The following TENM3 variants were observed in gnomAD, a reference collection of about 807,000 sequenced individuals.
The protein encoded by TENM3 is teneurin-3.
In TENM3, 63 loss-of-function variants were observed where a neutral mutation model predicts 255.1. The ratio of observed to expected loss-of-function variants is 0.25; its 90% confidence interval spans 0.20 to 0.30. The LOEUF is 0.30. Among genes scored for constraint, TENM3 ranks in the 10% least tolerant of loss-of-function variants. The pLI, the probability that TENM3 is intolerant of heterozygous loss-of-function variation, is 1.00. For synonymous variants in TENM3, 1,306 were observed against 1,322.3 expected, an observed-to-expected ratio of 0.99 and a Z score of 0.27; for missense variants, 2,929 against 3,461.1, an observed-to-expected ratio of 0.85 and a Z score of 3.86.
intron 1 of TENM3, among the ~76,000 whole-genome samples, chr4:182,248,716 C>A (rs1442978543): frequency 6.6e-6 from 1 of 152,204 alleles, no homozygotes; most frequent in Non-Finnish European, 1.5e-5. Flanking sequence ...CAAATAATTA[C>A]ATGCCTACTA....
At chr4:181,514,462 A>G in the TENM3 span, among the ~76,000 whole-genome samples, 2 of 152,238 alleles carry the variant, frequency 1.3e-5, no homozygotes, top group South Asian at 4.1e-4. Flanking sequence ...AAGTGAAATA[A>G]AATCAGTAGC....
At chr4:181,851,364 A>G in the TENM3 span, among the ~76,000 whole-genome samples, 1,281 of 152,286 alleles carry the variant, frequency 8.4e-3, 23 homozygotes, top group African/African-American at 0.029. Context: ...GTTACCCAGC[A>G]TAGAAATACA....
chr4:182,042,956 C>T, the TENM3 span, among the ~76,000 whole-genome samples: 1 of 150,164 alleles, frequency 6.7e-6, no homozygotes, highest in African/African-American at 2.4e-5. Flanking sequence ...TTTTGCTATT[C>T]CATTTAAGAA....
Position 182,766,038 on chromosome 4 carries a change from C to T in TENM3, c.4893-7434C>T, listed in dbSNP as rs191594109. On this transcript the variant is annotated intron_variant, in intron 22 of 27. Coordinates refer to ENST00000511685, the MANE Select transcript of TENM3 (RefSeq NM_001080477.4). ...TAGAATTTTCTCTTTCCAAATGTGC[C>T]ACCTACTTTTTAAAAATCTTTCCCA... Among the ~76,000 whole-genome samples the T allele has an allele frequency of 8.2e-4, 125 of 152,184 alleles. 1 individual carries two copies. The highest frequency in any genetic ancestry group is 1.8e-3 in the Admixed American group (28 of 15,284).
At chr4:182,092,826 AG>A in the TENM3 span, among the ~76,000 whole-genome samples, 1 of 152,208 alleles carries the variant, frequency 6.6e-6, no homozygotes, top group East Asian at 1.9e-4. Flanking sequence ...TTTAAGGTTA[AG>A]GTAGAAATCC....
chr4:181,788,250 T>C, the TENM3 span, among the ~76,000 whole-genome samples: 1 of 152,214 alleles, frequency 6.6e-6, no homozygotes, highest in Non-Finnish European at 1.5e-5. Flanking sequence ...TATTTGCCTC[T>C]GATCTTGGAT....
chr4:181,789,256 TATTTA>T, the TENM3 span, among the ~76,000 whole-genome samples: 1 of 138,974 alleles, frequency 7.2e-6, no homozygotes, highest in African/African-American at 3.0e-5. Context: ...TATTTTATTT[TATTTA>T]TTTTATTTTT....
intron 7 of TENM3, among the ~76,000 whole-genome samples, chr4:182,675,980 C>T (rs1276172879): frequency 1.3e-5 from 2 of 152,166 alleles, no homozygotes; most frequent in African/African-American, 2.4e-5. Flanking sequence ...TTAAGCTTCA[C>T]GGTTATTATA....
the TENM3 span, among the ~76,000 whole-genome samples, chr4:181,881,832 A>G: frequency 6.6e-6 from 1 of 152,154 alleles, no homozygotes; most frequent in African/African-American, 2.4e-5. Flanking sequence ...AAGCTGAACA[A>G]TTGATATATT....
rs373486591 is a variant in TENM3, at chr4:182,164,149, C to T, written c.-76+19395C>T. 2.3e-4 allele frequency among the ~76,000 whole-genome samples: 35 copies of T among 152,290 alleles called. No homozygotes were observed. The East Asian group carries it at 2.3e-3, about 10-fold the overall frequency. ...CTGGAGCATCCAGAGCCAGCAGGCACCTTCGGTCATCCTGGTATACTGAAC... is the reference window on the plus strand; with the variant it reads ...CTGGAGCATCCAGAGCCAGCAGGCATCTTCGGTCATCCTGGTATACTGAAC... On this transcript the variant is annotated intron_variant, in intron 1 of 2. Transcript: ENST00000512480.
At chr4:181,579,264 T>C in the TENM3 span, among the ~76,000 whole-genome samples, 1 of 151,992 alleles carries the variant, frequency 6.6e-6, no homozygotes, top group Admixed American at 6.6e-5. Flanking sequence ...ACCCCTCACA[T>C]GGAAACAGAC....
At chr4:182,490,767 TA>T (rs1735222109) in intron 3 of TENM3, among the ~76,000 whole-genome samples, 1 of 151,414 alleles carries the variant, frequency 6.6e-6, no homozygotes, top group Non-Finnish European at 1.5e-5. Context: ...TTAGGCATCG[TA>T]TCAAGCTTAA....
chr4:182,771,502 G>A (rs963600169), intron 22 of TENM3, among the ~76,000 whole-genome samples: 1 of 149,950 alleles, frequency 6.7e-6, no homozygotes, highest in Non-Finnish European at 1.5e-5. Context: ...CTGAAATGGG[G>A]GGGGGGGAAA....
upstream of TENM3, among the ~76,000 whole-genome samples, chr4:182,139,057 A>G (rs2149528863): frequency 6.6e-6 from 1 of 152,350 alleles, no homozygotes; most frequent in East Asian, 1.9e-4. Context: ...TTCAACAAAC[A>G]TTTATTGAGC....
intron 6 of TENM3, among the ~76,000 whole-genome samples, chr4:182,670,143 A>G (rs1289434073): frequency 7.2e-5 from 11 of 152,088 alleles, no homozygotes; most frequent in Non-Finnish European, 1.6e-4. Context: ...TTCTCTCTTT[A>G]TTTAACTGTA....
intron 3 of TENM3, among the ~76,000 whole-genome samples, chr4:182,472,130 T>C (rs1232499836): frequency 1.3e-5 from 2 of 152,210 alleles, no homozygotes; most frequent in African/African-American, 4.8e-5. Context: ...TTGAACTTTT[T>C]ATTATTCTGC....
chr4:182,687,366 G>C (rs1350911901), intron 11 of TENM3, among the ~76,000 whole-genome samples: 1 of 152,048 alleles, frequency 6.6e-6, no homozygotes, highest in Admixed American at 6.6e-5. Flanking sequence ...AAGCTTTTAA[G>C]AAAGCTTAAA....
At chr4:182,469,645 C>T (rs1406955814) in intron 3 of TENM3, among the ~76,000 whole-genome samples, 4 of 148,728 alleles carry the variant, frequency 2.7e-5, no homozygotes, top group South Asian at 2.1e-4. Context: ...ACCTGGGAGG[C>T]GGAGGTTGCA....
chr4:181,474,068 A>C, the TENM3 span, among the ~76,000 whole-genome samples: 1 of 152,080 alleles, frequency 6.6e-6, no homozygotes, highest in African/African-American at 2.4e-5. Flanking sequence ...AGAATAGGAA[A>C]CCAAACACCA....
Sources: allele counts gnomAD v4.1 joint callset (sites outside exome capture counted in the v4.1 genomes callset), GRCh38; gene constraint gnomAD v4.1.1; transcripts MANE v1.5; gene names NCBI Gene and HGNC (gene_info 2026-07-23, HGNC 2026-07-21).